BASP1: variants seen among roughly 807,000 people sequenced by gnomAD.
BASP1 encodes brain acid soluble protein 1.
Under a neutral mutation model 2.2 loss-of-function variants are expected in BASP1, and 1 was observed. The observed-to-expected ratio is 0.46, with a 90% CI of 0.16 to 2.17. The LOEUF is 2.17. BASP1 is among the 30% of genes most tolerant of loss of function. The probability of loss-of-function intolerance (pLI) is 0.27; values close to 1 mark genes in which losing one functional copy is unlikely to be tolerated. For synonymous variants in BASP1, 187 were observed against 154.2 expected, an observed-to-expected ratio of 1.21 and a Z score of -1.58; for missense variants, 352 against 327.2, an observed-to-expected ratio of 1.08 and a Z score of -0.58.
Position 17,251,979 on chromosome 5 carries a change from C to G in BASP1, c.-9-23229C>G, listed in dbSNP as rs1354875876. Among the ~76,000 whole-genome samples, 3 of 152,206 alleles carry G rather than the reference C, an allele frequency of 2.0e-5. No homozygotes were observed. Among genetic ancestry groups the G allele is most frequent in the Non-Finnish European group, 2.9e-5 (2 of 68,016 alleles). ...AATCCTCAGTATCCCAGAGGGCTTT[C>G]AAAACCCTTCAACTGGATGGGTCTC... On this transcript the variant is annotated intron_variant, in intron 1 of 1. Coordinates refer to ENST00000322611, the MANE Select transcript of BASP1 (RefSeq NM_006317.5). This position sits in a 1 kb window ranked among gnomAD's most constrained non-coding sequence, Gnocchi z 4.0.
In BASP1 at chr5:17,253,499, T is replaced by C. The variant is rs563706856; in HGVS notation, c.-9-21709T>C. ...AAGTGCTGGGATTACAGGCATGAGCTACCATGTCTGGCTTATAATGATCTT... is the reference window on the plus strand; with the variant it reads ...AAGTGCTGGGATTACAGGCATGAGCCACCATGTCTGGCTTATAATGATCTT... On this transcript the variant is annotated intron_variant, in intron 1 of 1. Transcript: ENST00000322611. Among the ~76,000 whole-genome samples the C allele has an allele frequency of 3.5e-4, 53 of 152,316 alleles. No homozygotes were observed. The South Asian group carries it at 7.7e-3, about 22-fold the overall frequency.
intron 1 of BASP1, among the ~76,000 whole-genome samples, chr5:17,232,220 C>T (rs980801933): frequency 1.3e-5 from 2 of 152,306 alleles, no homozygotes; most frequent in East Asian, 1.9e-4. Flanking sequence ...TTCAGAAACA[C>T]AACACGATGA....
chr5:17,243,647 G>C (rs988864867), intron 1 of BASP1, among the ~76,000 whole-genome samples: 5 of 152,080 alleles, frequency 3.3e-5, no homozygotes, highest in Admixed American at 2.0e-4. Flanking sequence ...CACAACACAT[G>C]GTCATTATTT....
In BASP1 at chr5:17,251,749, G is replaced by T. The variant is rs553514771; in HGVS notation, c.-9-23459G>T. ...GTCCAGAAAGACTCCCACATTTCTGGCTGGGCGATGGGGTGGATGTGGTTC... is the reference window on the plus strand; with the variant it reads ...GTCCAGAAAGACTCCCACATTTCTGTCTGGGCGATGGGGTGGATGTGGTTC... On this transcript the variant is annotated intron_variant, in intron 1 of 1. Transcript: ENST00000322611. The surrounding 1 kb of genome is among the most constrained non-coding windows in gnomAD (Gnocchi z 4.0). 6.6e-6 allele frequency among the ~76,000 whole-genome samples: 1 copy of T among 152,334 alleles called. No individual in the cohort carries two copies. The highest frequency in any genetic ancestry group is 2.1e-4 in the South Asian group (1 of 4,826).
chr5:17,216,994 C>G (rs1179727961), upstream of BASP1: 1 of 151,442 alleles, frequency 6.6e-6, no homozygotes. This position sits in a 1 kb window ranked among gnomAD's most constrained non-coding sequence, Gnocchi z 6.4. Flanking sequence ...CGAGGCAGCT[C>G]CCTAAGTCTG....
chr5:17,270,189 G>A (rs1028279674), intron 1 of BASP1, among the ~76,000 whole-genome samples: 3 of 151,902 alleles, frequency 2.0e-5, no homozygotes, highest in African/African-American at 4.8e-5. Context: ...TAGTAGAGAC[G>A]GGGTTTCTCC....
chr5:17,256,613 G>C (rs2126511347), intron 1 of BASP1, among the ~76,000 whole-genome samples: 1 of 152,350 alleles, frequency 6.6e-6, no homozygotes, highest in African/African-American at 2.4e-5. Context: ...GAGGTTAACA[G>C]TGGCTTGTTT....
chr5:17,226,362 A>T (rs2962375), intron 1 of BASP1, among the ~76,000 whole-genome samples: 121,967 of 152,210 alleles, frequency 0.8, 49,335 homozygotes, highest in African/African-American at 0.91. Flanking sequence ...CCTGAATTGC[A>T]TGGCAAAGTG....
At chr5:17,270,611 A>C (rs775535638) in intron 1 of BASP1, among the ~76,000 whole-genome samples, 3 of 152,246 alleles carry the variant, frequency 2.0e-5, no homozygotes, top group Non-Finnish European at 2.9e-5. Context: ...CATTTTTAAA[A>C]GATGTTAAAT....
In BASP1 at chr5:17,275,440, C is replaced by CTT; in HGVS notation, c.224_225insTT (p.Ala76TrpfsTer149). The CTT allele has an allele frequency of 3.9e-6, 6 of 1,526,318 alleles. No homozygotes were observed. Among genetic ancestry groups the CTT allele is most frequent in the Non-Finnish European group, 5.3e-6 (6 of 1,138,144 alleles). The allele number at this position is 1,526,318 out of a possible 1,614,324, so 94.5% of individuals were successfully genotyped here. A position where few individuals can be genotyped will look rare whatever the true frequency, so the allele number is the denominator to read the frequency against. ...GAGGAGAAGGAGGGCGAGAAGGACGCGGCGGCTGCCAAGGAGGAGGCCCCG... is the reference window on the plus strand; with the variant it reads ...GAGGAGAAGGAGGGCGAGAAGGACGCTTGGCGGCTGCCAAGGAGGAGGCCCCG... On this transcript the variant is annotated frameshift_variant, in exon 2 of 2. Coordinates refer to ENST00000322611, the MANE Select transcript of BASP1 (RefSeq NM_006317.5). LOFTEE classifies it low-confidence loss of function (END_TRUNC). The surrounding 1 kb of genome is among the most constrained non-coding windows in gnomAD (Gnocchi z 5.3).
At chr5:17,241,098 CTTTTTTTT>C (rs1168059951) in intron 1 of BASP1, among the ~76,000 whole-genome samples, 1 of 140,784 alleles carries the variant, frequency 7.1e-6, no homozygotes, top group Non-Finnish European at 1.6e-5. Context: ...TGACATTTTC[CTTTTTTTT>C]TTTTTTTTCT....
intron 1 of BASP1, among the ~76,000 whole-genome samples, chr5:17,255,571 G>A (rs1315248700): frequency 6.6e-5 from 10 of 152,116 alleles, no homozygotes; most frequent in Admixed American, 5.9e-4. Flanking sequence ...GCCTGGTGTC[G>A]ATCAGGAAGT....
Position 17,236,260 on chromosome 5 carries a change from C to T in BASP1, c.-10+18450C>T, listed in dbSNP as rs979850323. ...GATCTTGGGCAGGTTATCCAGAGAG[C>T]GAGTTTCTTTTCTTTTTTTTGGGAT... On this transcript the variant is annotated intron_variant, in intron 1 of 1. Coordinates refer to ENST00000322611, the MANE Select transcript of BASP1 (RefSeq NM_006317.5). This position sits in a 1 kb window ranked among gnomAD's most constrained non-coding sequence, Gnocchi z 4.0. 2.6e-5 allele frequency among the ~76,000 whole-genome samples: 4 copies of T among 151,884 alleles called. No individual in the cohort carries two copies. Among genetic ancestry groups the T allele is most frequent in the East Asian group, 1.9e-4 (1 of 5,180 alleles).
At chr5:17,232,583 G>A (rs964188357) in intron 1 of BASP1, among the ~76,000 whole-genome samples, 2 of 152,180 alleles carry the variant, frequency 1.3e-5, no homozygotes, top group African/African-American at 2.4e-5. Context: ...GGCTGGATAC[G>A]TGGAAGGGCA....
intron 1 of BASP1, among the ~76,000 whole-genome samples, chr5:17,232,405 T>C (rs1739648737): frequency 1.3e-5 from 2 of 152,240 alleles, no homozygotes; most frequent in Non-Finnish European, 2.9e-5. Context: ...GCTTGAAATC[T>C]TTACACATTA....
At chr5:17,243,348 T>C (rs1739909739) in intron 1 of BASP1, among the ~76,000 whole-genome samples, 1 of 152,110 alleles carries the variant, frequency 6.6e-6, no homozygotes, top group African/African-American at 2.4e-5. Context: ...GAGACAGGGT[T>C]TCGCCACGTT....
chr5:17,266,438 A>G (rs576312589), intron 1 of BASP1, among the ~76,000 whole-genome samples: 14 of 152,060 alleles, frequency 9.2e-5, no homozygotes, highest in Non-Finnish European at 1.8e-4. Flanking sequence ...TTCATCTAAG[A>G]GTAATGAATC....
rs780842657 is a variant in BASP1, at chr5:17,275,448, G to A, written c.232G>A (p.Ala78Thr). ...EKEGEKDAAAAKEEAPKAEPE... is the reference protein window; with the variant it reads ...EKEGEKDAAATKEEAPKAEPE... ...GGAGGGCGAGAAGGACGCGGCGGCT[G>A]CCAAGGAGGAGGCCCCGAAGGCGGA... The change falls in exon 2 of 2, where the codon GCC becomes ACC. Residue 78 changes from alanine to threonine, a missense_variant. Coordinates refer to ENST00000322611, the MANE Select transcript of BASP1 (RefSeq NM_006317.5). The surrounding 1 kb of genome is among the most constrained non-coding windows in gnomAD (Gnocchi z 5.3). The A allele has an allele frequency of 2.1e-5, 32 of 1,519,550 alleles. No individual in the cohort carries two copies. Among genetic ancestry groups the A allele is most frequent in the Non-Finnish European group, 6.2e-6 (7 of 1,135,192 alleles). 94.1% of individuals were successfully genotyped at this position (1,519,550 alleles called of 1,614,324 possible).
chr5:17,217,768 CG>C lies in BASP1; in HGVS notation c.-50del. ...GACGCCAGCGACCCCGGCCTCTCGG[CG>C]GCACCGCGCTAACTCAGGGGCTGCA... On this transcript the variant is annotated 5_prime_UTR_variant, in exon 1 of 2. Coordinates refer to ENST00000322611, the MANE Select transcript of BASP1 (RefSeq NM_006317.5). 6.5e-6 allele frequency: 1 copy of C among 152,740 alleles called. No individual in the cohort carries two copies. The allele number at this position is 152,740 out of a possible 1,614,324, so 9.5% of individuals were successfully genotyped here.
Sources: allele counts gnomAD v4.1 joint callset (sites outside exome capture counted in the v4.1 genomes callset), GRCh38; gene constraint gnomAD v4.1.1; non-coding constraint Gnocchi (gnomAD v3.1); transcripts MANE v1.5; gene names NCBI Gene and HGNC (gene_info 2026-07-23, HGNC 2026-07-21).